Variants in MAF observed in about 807,000 individuals in gnomAD.
MAF encodes MAF bZIP transcription factor.
A neutral mutation model predicts 22.0 loss-of-function variants in MAF; 10 were observed. That is an observed-to-expected ratio of 0.45 (90% confidence interval 0.28 to 0.77). The LOEUF is 0.77. MAF is among the 30% of genes least tolerant of loss of function. The probability of loss-of-function intolerance (pLI) is 0.12; values close to 1 mark genes in which losing one functional copy is unlikely to be tolerated. For missense variants in MAF, 544 were observed against 548.4 expected, an observed-to-expected ratio of 0.99 and a Z score of 0.08; for synonymous variants, 337 against 255.8, an observed-to-expected ratio of 1.32 and a Z score of -3.03.
At chr16:79,531,474 T>G in the MAF span, among the ~76,000 whole-genome samples, 1 of 151,984 alleles carries the variant, frequency 6.6e-6, no homozygotes, top group Non-Finnish European at 1.5e-5. Context: ...TAATATATAA[T>G]GAATTAATTA....
chr16:79,476,570 T>C, the MAF span, among the ~76,000 whole-genome samples: 1 of 152,162 alleles, frequency 6.6e-6, no homozygotes, highest in African/African-American at 2.4e-5. Context: ...TCTTGGCAAA[T>C]TTACATGTTC....
chr16:79,596,019 A>G, intron 1 of MAF: 2 of 1,060,958 alleles, frequency 1.9e-6, no homozygotes, highest in South Asian at 9.1e-5. Flanking sequence ...GTGTAAGAGA[A>G]GAAGGAAAAA....
At chr16:79,544,425 G>A in the MAF span, among the ~76,000 whole-genome samples, 1 of 152,012 alleles carries the variant, frequency 6.6e-6, no homozygotes, top group Admixed American at 6.6e-5. Flanking sequence ...TATTTTGAGT[G>A]ATTTCAAAAT....
chr16:79,283,613 CT>C, the MAF span, among the ~76,000 whole-genome samples: 2 of 152,162 alleles, frequency 1.3e-5, no homozygotes, highest in South Asian at 4.1e-4. Context: ...GTCTTTGAAG[CT>C]GTCATAAAAA....
At chr16:79,352,138 A>C in the MAF span, among the ~76,000 whole-genome samples, 1 of 152,126 alleles carries the variant, frequency 6.6e-6, no homozygotes, top group African/African-American at 2.4e-5. Flanking sequence ...ACTGAATCAC[A>C]AAATGTTCTG....
At chr16:79,273,847 G>A in the MAF span, among the ~76,000 whole-genome samples, 18 of 151,860 alleles carry the variant, frequency 1.2e-4, no homozygotes, top group African/African-American at 4.4e-4. Flanking sequence ...ATATTCACAG[G>A]TTCTAGGGAT....
At chr16:79,272,662 G>A in the MAF span, among the ~76,000 whole-genome samples, 2 of 152,210 alleles carry the variant, frequency 1.3e-5, no homozygotes, top group Non-Finnish European at 2.9e-5. Context: ...CACACCAAGA[G>A]CCGATACTCT....
the MAF span, among the ~76,000 whole-genome samples, chr16:79,465,347 C>G: frequency 4.6e-5 from 7 of 152,166 alleles, no homozygotes; most frequent in Non-Finnish European, 1.0e-4. Context: ...AATCCCAGCA[C>G]TTTGGGAGGC....
chr16:79,239,139 C>T, the MAF span, among the ~76,000 whole-genome samples: 10,964 of 152,122 alleles, frequency 0.072, 582 homozygotes, highest in Middle Eastern at 0.15. Flanking sequence ...GTCAGTCAAA[C>T]TAATTGTGTT....
chr16:79,353,727 A>G, the MAF span, among the ~76,000 whole-genome samples: 6 of 152,236 alleles, frequency 3.9e-5, no homozygotes, highest in African/African-American at 1.2e-4. Context: ...CTTGGCTAAT[A>G]GTATACAGTC....
At chr16:79,395,784 G>T in the MAF span, among the ~76,000 whole-genome samples, 97 of 152,280 alleles carry the variant, frequency 6.4e-4, no homozygotes, top group African/African-American at 2.1e-3. Context: ...TGCCAACAAA[G>T]TTTCTCATCA....
chr16:79,596,409 G>T (rs894355270), intron 1 of MAF: 3 of 1,056,950 alleles, frequency 2.8e-6, no homozygotes, highest in South Asian at 9.1e-5. Flanking sequence ...TGGAGAAAAG[G>T]ATGCATTTTA....
chr16:79,291,178 A>G, the MAF span, among the ~76,000 whole-genome samples: 5 of 152,274 alleles, frequency 3.3e-5, no homozygotes, highest in South Asian at 8.3e-4. Context: ...GTCTGCTTCA[A>G]GCTCTCTTCC....
chr16:79,300,386 C>G, the MAF span, among the ~76,000 whole-genome samples: 2 of 152,108 alleles, frequency 1.3e-5, no homozygotes, highest in Non-Finnish European at 2.9e-5. Context: ...GAAACCCCGT[C>G]TCTACTAAAA....
chr16:79,496,908 T>G, the MAF span, among the ~76,000 whole-genome samples: 2 of 152,218 alleles, frequency 1.3e-5, no homozygotes, highest in Non-Finnish European at 2.9e-5. Flanking sequence ...CAAGTTACAA[T>G]TTAAGGTTCT....
chr16:79,418,091 A>G, the MAF span, among the ~76,000 whole-genome samples: 1 of 152,148 alleles, frequency 6.6e-6, no homozygotes, highest in East Asian at 1.9e-4. Context: ...CAAGTGTGCA[A>G]CTGGCCTGAG....
At chr16:79,479,618 C>T in the MAF span, among the ~76,000 whole-genome samples, 1 of 152,202 alleles carries the variant, frequency 6.6e-6, no homozygotes, top group Admixed American at 6.5e-5. Flanking sequence ...TTGCCTGTAT[C>T]TGAAGGGTAA....
At chr16:79,468,325 G>C in the MAF span, among the ~76,000 whole-genome samples, 1 of 152,182 alleles carries the variant, frequency 6.6e-6, no homozygotes, top group African/African-American at 2.4e-5. Flanking sequence ...ACGGCACTGG[G>C]GGGATGCCCC....
At chr16:79,337,032 C>G in the MAF span, among the ~76,000 whole-genome samples, 1 of 152,162 alleles carries the variant, frequency 6.6e-6, no homozygotes, top group African/African-American at 2.4e-5. Flanking sequence ...AATCATCAGA[C>G]TGTTTAGAAA....
Sources: allele counts gnomAD v4.1 joint callset (sites outside exome capture counted in the v4.1 genomes callset), GRCh38; gene constraint gnomAD v4.1.1; transcripts MANE v1.5; gene names NCBI Gene and HGNC (gene_info 2026-07-23, HGNC 2026-07-21).